Variants in PTPRD observed in about 807,000 individuals in gnomAD.
The protein encoded by PTPRD is protein tyrosine phosphatase receptor type D, also known as receptor-type tyrosine-protein phosphatase delta.
PTPRD carries 34 observed loss-of-function variants against 214.5 expected under a neutral mutation model. The ratio of observed to expected loss-of-function variants is 0.16; its 90% CI spans 0.12 to 0.21. The LOEUF is 0.21. PTPRD is among the 10% of genes least tolerant of loss of function. The pLI is 1.00. For missense variants in PTPRD, 2,545 were observed against 2,398.7 expected, an observed-to-expected ratio of 1.06 and a Z score of -1.27; for synonymous variants, 1,128 against 845.7, an observed-to-expected ratio of 1.33 and a Z score of -5.79.
At chr9:9,755,385 G>A (rs147598672) in intron 6 of PTPRD, among the ~76,000 whole-genome samples, 91 of 152,152 alleles carry the variant, frequency 6.0e-4, no homozygotes, top group African/African-American at 2.1e-3. Flanking sequence ...GGAATTGACA[G>A]CTTCAGTTTG....
intron 12 of PTPRD, among the ~76,000 whole-genome samples, chr9:8,651,633 A>T (rs2096811582): frequency 6.6e-6 from 1 of 152,186 alleles, no homozygotes. Flanking sequence ...TTTAAATCTG[A>T]GGAGAAAATG....
At chr9:10,412,572 C>A in intron 2 of PTPRD, among the ~76,000 whole-genome samples, 1 of 151,280 alleles carries the variant, frequency 6.6e-6, no homozygotes, top group East Asian at 2.0e-4. Flanking sequence ...TTTATGAGGG[C>A]AGAATCATCC....
chr9:9,908,038 A>G (rs897639215), intron 5 of PTPRD, among the ~76,000 whole-genome samples: 1 of 151,714 alleles, frequency 6.6e-6, no homozygotes, highest in Admixed American at 6.6e-5. Flanking sequence ...TTATAATATG[A>G]GAACATATAC....
chr9:9,194,282 A>G (rs2099936949), intron 9 of PTPRD, among the ~76,000 whole-genome samples: 1 of 152,188 alleles, frequency 6.6e-6, no homozygotes, highest in African/African-American at 2.4e-5. Flanking sequence ...ATTACAGTTA[A>G]CTTTTTGTTT....
At chr9:8,657,024 T>C (rs1002255489) in intron 12 of PTPRD, among the ~76,000 whole-genome samples, 3 of 151,464 alleles carry the variant, frequency 2.0e-5, no homozygotes, top group African/African-American at 7.4e-5. Flanking sequence ...ATTACCAATC[T>C]GACTGGCGAG....
rs80192087 is a variant in PTPRD at position 8,854,561 on chromosome 9, A to T, written c.-103-120615T>A. On this transcript the variant is annotated intron_variant, in intron 11 of 45. Coordinates refer to ENST00000381196, the MANE Select transcript of PTPRD (RefSeq NM_002839.4). ...AAACAGTCACCCTTGTCAGTTTGAA[A>T]AATTGAAAATCAACGAAAGAACAGT... is the stretch of plus-strand genomic sequence containing the variant. Among the ~76,000 whole-genome samples, 4 of 152,334 alleles carry T rather than the reference A, an allele frequency of 2.6e-5. No individual in the cohort carries two copies. The East Asian group carries it at 5.8e-4, about 22-fold the overall frequency.
intron 11 of PTPRD, among the ~76,000 whole-genome samples, chr9:8,766,246 T>C (rs989467528): frequency 7.9e-5 from 12 of 151,742 alleles, no homozygotes; most frequent in African/African-American, 2.7e-4. Context: ...AGTGTGTGCA[T>C]ACTCCCCAAG....
Position 8,728,207 on chromosome 9 carries a change from G to A in PTPRD, c.64+5573C>T, listed in dbSNP as rs557341593. On this transcript the variant is annotated intron_variant, in intron 12 of 45. Transcript: ENST00000381196. Reference sequence around the variant, plus strand: ...GGAGGTTGCGATGAGCCAAGATCGTGCCATTGCACCCCAGCCTGGGTAACA... The same window carrying A: ...GGAGGTTGCGATGAGCCAAGATCGTACCATTGCACCCCAGCCTGGGTAACA... Among the ~76,000 whole-genome samples the A allele has an allele frequency of 2.0e-5, 3 of 152,278 alleles. No individual in the cohort carries two copies. In the East Asian group the frequency reaches 5.8e-4, roughly 29 times the overall value.
chr9:8,335,171 CA>C (rs1845373124), intron 43 of PTPRD, among the ~76,000 whole-genome samples: 1 of 151,808 alleles, frequency 6.6e-6, no homozygotes, highest in Non-Finnish European at 1.5e-5. Context: ...ATCCTGATAC[CA>C]AAACCTGGCA....
At chr9:9,167,087 T>C (rs1422693300) in intron 10 of PTPRD, among the ~76,000 whole-genome samples, 1 of 152,070 alleles carries the variant, frequency 6.6e-6, no homozygotes, top group Non-Finnish European at 1.5e-5. Flanking sequence ...AAAGGTCACA[T>C]TGTTGACAAA....
chr9:9,758,368 T>C (rs1442378604), intron 6 of PTPRD, among the ~76,000 whole-genome samples: 1 of 152,138 alleles, frequency 6.6e-6, no homozygotes, highest in Non-Finnish European at 1.5e-5. Context: ...ATGTGAAGAC[T>C]GCTATATGCC....
chr9:8,882,702 T>A (rs891198873), intron 11 of PTPRD, among the ~76,000 whole-genome samples: 2 of 151,644 alleles, frequency 1.3e-5, no homozygotes, highest in African/African-American at 2.4e-5. Flanking sequence ...CTGGCCGACA[T>A]AGTGAAACCC....
intron 14 of PTPRD, among the ~76,000 whole-genome samples, chr9:8,560,455 AC>A (rs1312247299): frequency 1.4e-5 from 2 of 138,092 alleles, no homozygotes. Flanking sequence ...ACACACACAC[AC>A]ACACACACAC....
intron 9 of PTPRD, among the ~76,000 whole-genome samples, chr9:9,381,320 C>G (rs540264790): frequency 6.7e-6 from 1 of 149,842 alleles, no homozygotes; most frequent in Non-Finnish European, 1.5e-5. Flanking sequence ...TACATTTATA[C>G]GATTCAATTT....
intron 7 of PTPRD, among the ~76,000 whole-genome samples, chr9:9,616,673 A>C (rs902689909): frequency 6.6e-6 from 1 of 152,172 alleles, no homozygotes; most frequent in Non-Finnish European, 1.5e-5. Flanking sequence ...TCATGATCAC[A>C]TAAGAAAACA....
At chr9:10,283,957 T>G (rs1596123454) in intron 3 of PTPRD, among the ~76,000 whole-genome samples, 1 of 152,292 alleles carries the variant, frequency 6.6e-6, no homozygotes, top group South Asian at 2.1e-4. Flanking sequence ...CCTATTCCAG[T>G]TCCTTCTCTC....
chr9:9,058,076 C>G (rs10816041), intron 10 of PTPRD, among the ~76,000 whole-genome samples: 2 of 151,954 alleles, frequency 1.3e-5, no homozygotes, highest in Non-Finnish European at 2.9e-5. Flanking sequence ...ATTCACAGGA[C>G]TCCTTAAACA....
intron 5 of PTPRD, among the ~76,000 whole-genome samples, chr9:9,817,393 C>A (rs2250434): frequency 6.6e-6 from 1 of 151,830 alleles, no homozygotes; most frequent in Non-Finnish European, 1.5e-5. Flanking sequence ...ACTTTCAACA[C>A]GAAAAGTGGA....
At position 10,464,404 on chromosome 9, in the gene PTPRD, T is replaced by G. The variant is rs10959112; in HGVS notation, c.-599-123387A>C. 1.9e-3 allele frequency among the ~76,000 whole-genome samples: 250 copies of G among 129,654 alleles called. 1 individual carries two copies. The highest frequency in any genetic ancestry group is 5.9e-3 in the African/African-American group (210 of 35,396). 85.1% of individuals were successfully genotyped at this position (129,654 alleles called of 152,430 possible). The stretch of plus-strand genomic sequence containing the variant: ...AAAGAGAGAAAGAGAGAGAGAGAGA[T>G]AGAGAGACAGAGAGAGAGAGAGAGA... On this transcript the variant is annotated intron_variant, in intron 2 of 45. Transcript: ENST00000381196.
Sources: gnomAD v4.1 joint callset for allele counts (sites outside exome capture counted in the v4.1 genomes callset) on GRCh38, gnomAD v4.1.1 for gene constraint, MANE v1.5 for transcripts, NCBI Gene and HGNC (gene_info 2026-07-23, HGNC 2026-07-21) for gene names.